The following CC2D2B variants were observed in gnomAD, a reference collection of about 807,000 sequenced individuals.
CC2D2B encodes coiled-coil and C2 domain containing 2B.
A neutral mutation model predicts 161.2 loss-of-function variants in CC2D2B; 128 were observed. The observed-to-expected ratio is 0.79, with a 90% CI of 0.69 to 0.92. CC2D2B has a LOEUF of 0.92. Ranked by LOEUF, CC2D2B falls within the 40% of genes least tolerant of loss-of-function variation. The pLI is 0.00. For synonymous variants in CC2D2B, 391 were observed against 449.8 expected, an observed-to-expected ratio of 0.87 and a Z score of 1.65; for missense variants, 1,173 against 1,375.1, an observed-to-expected ratio of 0.85 and a Z score of 2.32.
chr10:96,009,835 T>C lies in CC2D2B; in HGVS notation c.2957T>C (p.Leu986Pro). 6.4e-7 allele frequency: 1 copy of C among 1,555,710 alleles called. No individual in the cohort carries two copies. Among genetic ancestry groups the C allele is most frequent in the East Asian group, 2.3e-5 (1 of 43,942 alleles). The change falls in exon 26 of 35, where the codon CTC (leucine) becomes CCC (proline). Residue 986 changes from leucine to proline, a missense_variant. By Grantham distance (98) the Leu-to-Pro change is moderately conservative. Around this residue, in one of 3 missense-constraint regions of CC2D2B, gnomAD observed 598 missense variants for 693.2 expected, o/e 0.86. Coordinates refer to ENST00000646931, the MANE Select transcript of CC2D2B (RefSeq NM_001349008.3). ...TATTTATTTTCATAGGATCACTGTCTCAAGAGCTGTAGTGGTCACTCATAT... is the reference window on the plus strand; with the variant it reads ...TATTTATTTTCATAGGATCACTGTCCCAAGAGCTGTAGTGGTCACTCATAT... ...MMTEKHEDHC[L>P]KSCSGHSYIR... is the part of the protein sequence containing the mutation.
intron 22 of CC2D2B, among the ~76,000 whole-genome samples, chr10:95,994,348 A>G (rs10786254): frequency 0.1 from 15,544 of 152,170 alleles, 1,597 homozygotes; most frequent in East Asian, 0.58. Context: ...AAGAAAGATC[A>G]AAGACTTTAA....
chr10:95,914,409 A>T (rs978165006), intron 2 of CC2D2B, among the ~76,000 whole-genome samples: 9 of 152,014 alleles, frequency 5.9e-5, no homozygotes, highest in African/African-American at 1.9e-4. Flanking sequence ...AGTCAGTGGT[A>T]TGGTTTGGCT....
At chr10:96,019,049 C>T in intron 30 of CC2D2B, 154 bp from the exon 31 acceptor site, 1 of 566,516 alleles carries the variant, frequency 1.8e-6, no homozygotes, top group East Asian at 3.2e-5. Flanking sequence ...TCAAGTGATC[C>T]TCCCACCTCA....
In CC2D2B at chr10:95,983,641, T is replaced by C; in HGVS notation, c.2118T>C (p.Tyr706=). 8.1e-7 allele frequency: 1 copy of C among 1,231,664 alleles called. No individual in the cohort carries two copies. Among genetic ancestry groups the C allele is most frequent in the Non-Finnish European group, 1.0e-6 (1 of 987,608 alleles). 76.3% of individuals were successfully genotyped at this position (1,231,664 alleles called of 1,614,324 possible). ...TTAAGGGGCAGGATATTCCAAAGTA[T>C]TTTCGTCTTGAACAGTTGCAAGATG... is the stretch of plus-strand genomic sequence containing the variant. ...MRLKGQDIPK[Y]FRLEQLQDEF... Residue 706 remains tyrosine (Y), a synonymous_variant, in exon 19 of 35, where the codon TAT becomes TAC. Transcript: ENST00000646931.
chr10:95,967,533 GA>G (rs2076981526), intron 14 of CC2D2B, among the ~76,000 whole-genome samples: 1 of 152,240 alleles, frequency 6.6e-6, no homozygotes, highest in African/African-American at 2.4e-5. Context: ...ATAGAGGATA[GA>G]AGTGAAAAGA....
At chr10:96,003,027 T>C (rs199729793) in intron 24 of CC2D2B, among the ~76,000 whole-genome samples, 1 of 128,778 alleles carries the variant, frequency 7.8e-6, no homozygotes, top group African/African-American at 3.1e-5. Context: ...AATAAATATA[T>C]ATATATATAT....
Position 96,032,188 on chromosome 10 carries a change from G to T in CC2D2B, c.*180G>T. The T allele has an allele frequency of 1.8e-6, 1 of 564,994 alleles. No homozygotes were observed. The highest frequency in any genetic ancestry group is 3.1e-6 in the Non-Finnish European group (1 of 318,024). 35.0% of individuals were successfully genotyped at this position (564,994 alleles called of 1,614,324 possible). On this transcript the variant is annotated 3_prime_UTR_variant, in exon 35 of 35. Coordinates refer to ENST00000646931, the MANE Select transcript of CC2D2B (RefSeq NM_001349008.3). The stretch of plus-strand genomic sequence containing the variant: ...TCGCACCCCTGAGTGAGTCTTTGAG[G>T]AGGAGTCTAGATGAGCTTCTCACCA...
intron 10 of CC2D2B, among the ~76,000 whole-genome samples, chr10:95,953,446 C>T (rs899844118): frequency 6.6e-6 from 1 of 152,158 alleles, no homozygotes; most frequent in Admixed American, 6.6e-5. Context: ...AAGCAATCCT[C>T]GTACCTCAGC....
rs964388492 is a variant in CC2D2B at position 95,954,483 on chromosome 10, C to T, written c.1012-911C>T. Among the ~76,000 whole-genome samples the T allele has an allele frequency of 3.9e-5, 6 of 152,022 alleles. No homozygotes were observed. The South Asian group carries it at 8.3e-4, about 21-fold the overall frequency. Reference sequence around the variant, plus strand: ...CTCATATGACATATTTGTCTAGTTCCGTACTGTTTCATTACCATATTTAAT... The same window carrying T: ...CTCATATGACATATTTGTCTAGTTCTGTACTGTTTCATTACCATATTTAAT... On this transcript the variant is annotated intron_variant, in intron 10 of 34. Coordinates refer to ENST00000646931, the MANE Select transcript of CC2D2B (RefSeq NM_001349008.3).
chr10:95,948,353 A>G (rs1210006536), intron 9 of CC2D2B, among the ~76,000 whole-genome samples: 6 of 99,580 alleles, frequency 6.0e-5, no homozygotes, highest in South Asian at 4.1e-4. Context: ...ATAATGCCGC[A>G]TATCTACAAC....
At chr10:96,020,509 A>G (rs2079404769) in intron 32 of CC2D2B, 1 of 152,334 alleles carries the variant, frequency 6.6e-6, no homozygotes, top group Admixed American at 6.5e-5. Context: ...GGAAGGCACT[A>G]GAAATACCAT....
intron 6 of CC2D2B, among the ~76,000 whole-genome samples, chr10:95,933,313 C>T (rs1420166855): frequency 6.6e-6 from 1 of 152,016 alleles, no homozygotes; most frequent in Non-Finnish European, 1.5e-5. Context: ...AGCTTCCTTG[C>T]ATTAGGTTAG....
intron 9 of CC2D2B, among the ~76,000 whole-genome samples, chr10:95,947,113 A>ATATATATATATATTT (rs1289243570): frequency 2.1e-5 from 1 of 48,376 alleles, no homozygotes; most frequent in African/African-American, 9.4e-5. Flanking sequence ...ATATATATAT[A>ATATATATATATATTT]TTTTTTTTTT....
At chr10:95,974,395 G>A (rs2077244003) in intron 17 of CC2D2B, among the ~76,000 whole-genome samples, 1 of 152,150 alleles carries the variant, frequency 6.6e-6, no homozygotes, top group Non-Finnish European at 1.5e-5. Context: ...GGCATTCCCA[G>A]AGTCCCTCAC....
At chr10:96,005,874 T>C (rs927753283) in intron 25 of CC2D2B, among the ~76,000 whole-genome samples, 3 of 152,190 alleles carry the variant, frequency 2.0e-5, no homozygotes, top group Admixed American at 6.6e-5. Flanking sequence ...TTGGTTTAAA[T>C]ACTTTTTTTA....
chr10:95,979,643 C>G (rs1166229117), intron 17 of CC2D2B, among the ~76,000 whole-genome samples: 2 of 152,188 alleles, frequency 1.3e-5, no homozygotes, highest in Non-Finnish European at 2.9e-5. Context: ...CCTTTCTTTT[C>G]CATTTCTGGT....
At position 96,004,169 on chromosome 10, in the gene CC2D2B, A is replaced by T; in HGVS notation, c.2867A>T (p.Tyr956Phe). The part of the protein sequence containing the change: ...KVDFVSPGHD[Y>F]SFSSLSKIKD... ...ATTTGCAGCTCACCAGGACATGATT[A>T]TAGCTTCTCAAGCTTATCTAAAATA... is the stretch of plus-strand genomic sequence containing the variant. The change falls in exon 25 of 35, where the codon TAT becomes TTT. Residue 956 changes from tyrosine to phenylalanine, a missense_variant. Transcript: ENST00000646931. The T allele has an allele frequency of 6.5e-7, 1 of 1,547,276 alleles. No homozygotes were observed. Among genetic ancestry groups the T allele is most frequent in the Non-Finnish European group, 8.7e-7 (1 of 1,149,712 alleles).
chr10:95,998,461 T>C (rs888184148), intron 24 of CC2D2B, among the ~76,000 whole-genome samples: 2 of 152,164 alleles, frequency 1.3e-5, no homozygotes, highest in Non-Finnish European at 1.5e-5. Context: ...CACTGATCTT[T>C]TTACTGCCTT....
At chr10:95,935,827 C>G (rs952496042) in intron 6 of CC2D2B, among the ~76,000 whole-genome samples, 2 of 152,278 alleles carry the variant, frequency 1.3e-5, no homozygotes, top group South Asian at 2.1e-4. Context: ...CCAACCTACC[C>G]AGCCCAGCAT....
Sources: allele counts gnomAD v4.1 joint callset (sites outside exome capture counted in the v4.1 genomes callset), GRCh38; gene constraint gnomAD v4.1.1; regional missense constraint gnomAD v4.1.1; transcripts MANE v1.5; gene names NCBI Gene and HGNC (gene_info 2026-07-23, HGNC 2026-07-21).